OR2T2: variants seen among roughly 807,000 people sequenced by gnomAD.
The protein encoded by OR2T2 is olfactory receptor 2T2.
For synonymous variants in OR2T2, 50 were observed against 162.7 expected, an observed-to-expected ratio of 0.31 and a Z score of 5.27; for missense variants, 138 against 409.1, an observed-to-expected ratio of 0.34 and a Z score of 5.72.
chr1:248,446,116 T>C (rs1662640268), intron 1 of OR2T2, among the ~76,000 whole-genome samples: 1 of 145,552 alleles, frequency 6.9e-6, no homozygotes, highest in East Asian at 1.9e-4. Context: ...GCTCCGTTCA[T>C]ATGCATTTAG....
intron 2 of OR2T2, among the ~76,000 whole-genome samples, chr1:248,447,455 T>C (rs1662691639): frequency 7.3e-6 from 1 of 136,666 alleles, no homozygotes; most frequent in Non-Finnish European, 1.5e-5. Flanking sequence ...CTCCCTGCCT[T>C]CACTTTCCAG....
rs543418188 is a variant in OR2T2 at position 248,450,410 on chromosome 1, T to A, written c.-22-2366T>A. 9.9e-4 allele frequency among the ~76,000 whole-genome samples: 145 copies of A among 147,138 alleles called. 1 individual carries two copies. The Middle Eastern group carries it at 0.014, about 14-fold the overall frequency. ...TGAGGTGGCTAAAATCATATCTTTC[T>A]CCTGTTTCAGCTTTTTTACTCTCCT... On this transcript the variant is annotated intron_variant, in intron 2 of 2. Transcript: ENST00000642130.
rs565229236 is a variant in OR2T2 at position 248,450,417 on chromosome 1, T to C, written c.-22-2359T>C. Among the ~76,000 whole-genome samples, 10 of 147,372 alleles carry C rather than the reference T, an allele frequency of 6.8e-5. No individual in the cohort carries two copies. In the East Asian group the frequency reaches 1.8e-3, roughly 26 times the overall value. ...GCTAAAATCATATCTTTCTCCTGTTTCAGCTTTTTTACTCTCCTCTTCTGG... is the reference window on the plus strand; with the variant it reads ...GCTAAAATCATATCTTTCTCCTGTTCCAGCTTTTTTACTCTCCTCTTCTGG... On this transcript the variant is annotated intron_variant, in intron 2 of 2. Transcript: ENST00000642130.
intron 2 of OR2T2, among the ~76,000 whole-genome samples, chr1:248,449,804 C>CT (rs1230008233): frequency 1.1e-4 from 3 of 28,230 alleles, no homozygotes; most frequent in Non-Finnish European, 2.2e-4. Flanking sequence ...CAAATAAAAG[C>CT]TTTTTCTTTT....
chr1:248,448,046 C>A (rs572782712), intron 2 of OR2T2, among the ~76,000 whole-genome samples: 1 of 152,290 alleles, frequency 6.6e-6, no homozygotes, highest in African/African-American at 2.4e-5. Context: ...GTTATCAAAT[C>A]GACTGTGGCG....
At chr1:248,450,530 T>C (rs552143218) in intron 2 of OR2T2, among the ~76,000 whole-genome samples, 344 of 151,506 alleles carry the variant, frequency 2.3e-3, no homozygotes, top group Admixed American at 6.6e-3. Context: ...TTACCTCCTC[T>C]TTGAATACCT....
At chr1:248,453,973 C>CA (rs1267348982) in exon 3 of OR2T2, 1 of 606,844 alleles carries the variant, frequency 1.6e-6, no homozygotes, top group African/African-American at 2.3e-5. Context: ...TTCAGCAATT[C>CA]AAAATTAACA....
At chr1:248,447,647 G>A (rs566469826) in intron 2 of OR2T2, among the ~76,000 whole-genome samples, 3 of 151,310 alleles carry the variant, frequency 2.0e-5, no homozygotes, top group African/African-American at 4.9e-5. Context: ...GAATCAGACC[G>A]GTTTCCCTCT....
intron 2 of OR2T2, 28 bp downstream of exon 3, chr1:248,449,420 A>G (rs1375505824): frequency 2.0e-5 from 3 of 149,502 alleles, no homozygotes; most frequent in Admixed American, 6.6e-5. Flanking sequence ...CTTGATTTCT[A>G]TGGCTTCTCC....
intron 2 of OR2T2, among the ~76,000 whole-genome samples, chr1:248,447,866 T>TAGC (rs1157343322): frequency 6.7e-6 from 1 of 149,346 alleles, no homozygotes; most frequent in Non-Finnish European, 1.5e-5. Context: ...TAGTTTTAGT[T>TAGC]AACCTGCAAT....
At chr1:248,446,028 T>C (rs1254213170) in intron 1 of OR2T2, among the ~76,000 whole-genome samples, 1 of 145,382 alleles carries the variant, frequency 6.9e-6, no homozygotes, top group Non-Finnish European at 1.5e-5. Context: ...CAGGGGTGCA[T>C]ACTATTGGAT....
intron 2 of OR2T2, among the ~76,000 whole-genome samples, chr1:248,447,127 A>C (rs1662681103): frequency 6.6e-6 from 1 of 151,968 alleles, no homozygotes; most frequent in South Asian, 2.1e-4. Flanking sequence ...GGGAAAAGAG[A>C]AATTCACATC....
chr1:248,448,002 A>G (rs1337839636), intron 2 of OR2T2, among the ~76,000 whole-genome samples: 1 of 152,408 alleles, frequency 6.6e-6, no homozygotes, highest in African/African-American at 2.4e-5. Flanking sequence ...CACACTGTCT[A>G]TGCTACCCCC....
chr1:248,447,982 G>A (rs1181231267), intron 2 of OR2T2, among the ~76,000 whole-genome samples: 1 of 152,280 alleles, frequency 6.6e-6, no homozygotes, highest in Non-Finnish European at 1.5e-5. Context: ...ATCCCTCTGT[G>A]TAGTTGATTC....
chr1:248,446,393 T>G (rs1216954559), intron 1 of OR2T2, among the ~76,000 whole-genome samples, 196 bp from the exon 2 acceptor site: 1 of 144,896 alleles, frequency 6.9e-6, no homozygotes, highest in Admixed American at 6.7e-5. Context: ...TGTTTATAGT[T>G]GCAGGTGTCT....
At chr1:248,453,551 T>G in exon 3 of OR2T2, 1 of 1,564,312 alleles carries the variant, frequency 6.4e-7, no homozygotes, top group Non-Finnish European at 8.7e-7. Flanking sequence ...GGTGAGCGTT[T>G]TCTACGGGGC....
At chr1:248,450,345 CTCTTT>C (rs1351908324) in intron 2 of OR2T2, among the ~76,000 whole-genome samples, 1 of 128,082 alleles carries the variant, frequency 7.8e-6, no homozygotes, top group Non-Finnish European at 1.6e-5. Flanking sequence ...CACAAGGAAC[CTCTTT>C]TTTTTTTTTT....
chr1:248,453,633 A>G (rs575128938), exon 3 of OR2T2: 1 of 1,591,468 alleles, frequency 6.3e-7, no homozygotes, highest in East Asian at 2.3e-5. Context: ...TCTGCCTTCT[A>G]CACCATCCTC....
chr1:248,447,057 A>G (rs1662678894), intron 2 of OR2T2, among the ~76,000 whole-genome samples: 1 of 151,988 alleles, frequency 6.6e-6, no homozygotes, highest in Non-Finnish European at 1.5e-5. Flanking sequence ...TTAAATAAAT[A>G]GGCAGATAAA....
Sources: allele counts gnomAD v4.1 joint callset (sites outside exome capture counted in the v4.1 genomes callset), GRCh38; gene constraint gnomAD v4.1.1; transcripts MANE v1.5; gene names NCBI Gene and HGNC (gene_info 2026-07-23, HGNC 2026-07-21).